PNMA6E: variants seen among roughly 807,000 people sequenced by gnomAD.
PNMA6E encodes paraneoplastic antigen Ma6E.
For synonymous variants in PNMA6E, 43 were observed against 17.1 expected (o/e 2.52, Z -3.74); for missense variants, 78 against 50.8 (o/e 1.53, Z -1.63).
chrX:153,404,315 AG>A (rs2088867299), upstream of PNMA6E, among the ~76,000 whole-genome samples: 1 of 111,162 alleles, frequency 9.0e-6, no homozygotes, highest in South Asian at 3.8e-4. Context: ...GTGAATTACT[AG>A]GGTCATCTCA....
At chrX:153,401,089 C>T (rs944167327) in intron 1 of PNMA6E, among the ~76,000 whole-genome samples, 155 bp downstream of exon 1, 1 of 107,061 alleles carries the variant, frequency 9.3e-6, no homozygotes, top group Non-Finnish European at 1.9e-5. Flanking sequence ...CCGGGCCAGG[C>T]GGGACCGCCG....
chrX:153,399,791 A>G (rs1426247751), intron 1 of PNMA6E, among the ~76,000 whole-genome samples: 6 of 109,900 alleles, frequency 5.5e-5, no homozygotes, highest in African/African-American at 2.0e-4. Context: ...CTCTTTTTCG[A>G]GCTTCTTTAA....
Position 153,397,300 on chromosome X carries a change from G to A in PNMA6E, c.1550C>T (p.Pro517Leu), listed in dbSNP as rs1784266631. The change falls in exon 2 of 2, where the codon CCA becomes CTA. Residue 517 changes from proline (P) to leucine (L), a missense_variant. Physicochemically the swap from Pro to Leu is moderately conservative, Grantham distance 98 (BLOSUM62 -3). Coordinates refer to ENST00000445091, the MANE Select transcript of PNMA6E (RefSeq NM_001367770.1). ...GGCTGGGGAGGCCTGGGCAGCAGCT[G>A]GGTCTTCACTCTCCACTGGGGCCGC... ...WAAAPVESED[P>L]AAAQASPAQG... 1 of 296,462 alleles carries A rather than the reference G, an allele frequency of 3.4e-6. No individual in the cohort carries two copies. The highest frequency in any genetic ancestry group is 2.7e-5 in the African/African-American group (1 of 36,616). The allele number at this position is 296,462 out of a possible 1,213,427, so 24.4% of individuals were successfully genotyped here.
Position 153,395,976 on chromosome X carries a change from C to G in PNMA6E, c.*930G>C, listed in dbSNP as rs2088799622. On this transcript the variant is annotated 3_prime_UTR_variant, in exon 2 of 2. Coordinates refer to ENST00000445091, the MANE Select transcript of PNMA6E (RefSeq NM_001367770.1). ...CTGGGAAACACCAGGGAACACCCCA[C>G]CAGGCTGAAGAAACTGAGTCACAAG... 8.8e-6 allele frequency: 1 copy of G among 113,097 alleles called. No individual in the cohort carries two copies. The highest frequency in any genetic ancestry group is 1.9e-5 in the Non-Finnish European group (1 of 53,297). 9.3% of individuals were successfully genotyped at this position (113,097 alleles called of 1,213,427 possible).
At chrX:153,411,490 C>T in the PNMA6E span, among the ~76,000 whole-genome samples, 1 of 112,053 alleles carries the variant, frequency 8.9e-6, no homozygotes, top group Non-Finnish European at 1.9e-5. Context: ...CCGGCCCGCT[C>T]GTCGGCGCAC....
chrX:153,400,925 C>T (rs908650823), intron 1 of PNMA6E, among the ~76,000 whole-genome samples: 1 of 108,617 alleles, frequency 9.2e-6, no homozygotes, highest in African/African-American at 3.4e-5. Context: ...TTCTACCCCG[C>T]GTGCTTGGCG....
the PNMA6E span, among the ~76,000 whole-genome samples, chrX:153,411,484 C>A: frequency 8.9e-6 from 1 of 112,382 alleles, no homozygotes; most frequent in Non-Finnish European, 1.9e-5. Flanking sequence ...CCGCTCCCGG[C>A]CCGCTCGTCG....
chrX:153,406,719 A>T, the PNMA6E span, among the ~76,000 whole-genome samples: 1 of 112,904 alleles, frequency 8.9e-6, no homozygotes, highest in East Asian at 2.8e-4. Context: ...ACACGAACTC[A>T]TTGCATTCTA....
chrX:153,412,576 C>T, the PNMA6E span, among the ~76,000 whole-genome samples: 4 of 112,286 alleles, frequency 3.6e-5, no homozygotes, highest in African/African-American at 1.3e-4. Flanking sequence ...GAATAAGTCT[C>T]ATTTCTACCA....
At chrX:153,399,453 C>T (rs2088834673) in intron 1 of PNMA6E, among the ~76,000 whole-genome samples, 1 of 111,099 alleles carries the variant, frequency 9.0e-6, no homozygotes, top group Non-Finnish European at 1.9e-5. Flanking sequence ...TCAAGCGATC[C>T]TCCCACCTCA....
upstream of PNMA6E, among the ~76,000 whole-genome samples, chrX:153,405,227 C>T (rs1358963826): frequency 8.9e-6 from 1 of 112,356 alleles, no homozygotes; most frequent in Non-Finnish European, 1.9e-5. Flanking sequence ...AAGGCTCTAA[C>T]CCCCACTTTG....
chrX:153,405,122 G>A (rs139090388), upstream of PNMA6E, among the ~76,000 whole-genome samples: 298 of 112,535 alleles, frequency 2.6e-3, 5 homozygotes, highest in African/African-American at 8.6e-3. Context: ...AAGATGCCCC[G>A]GATGACAGTT....
the PNMA6E span, among the ~76,000 whole-genome samples, chrX:153,412,403 G>A: frequency 1.8e-5 from 2 of 112,579 alleles, no homozygotes; most frequent in African/African-American, 3.2e-5. Context: ...CCAGGGACAC[G>A]GCGGTAGTAA....
At chrX:153,411,579 C>A in the PNMA6E span, among the ~76,000 whole-genome samples, 2 of 112,857 alleles carry the variant, frequency 1.8e-5, no homozygotes, top group Non-Finnish European at 3.8e-5. Flanking sequence ...GGAGCCCCCA[C>A]CCCCCGCCCG....
At position 153,399,149 on chromosome X, in the gene PNMA6E, T is replaced by A. The variant is rs1556970894; in HGVS notation, c.-71-229A>T. Among the ~76,000 whole-genome samples the A allele has an allele frequency of 3.6e-5, 4 of 112,256 alleles. No homozygotes were observed. In the Admixed American group the frequency reaches 3.8e-4, roughly 11 times the overall value. On this transcript the variant is annotated intron_variant, in intron 1 of 1. Transcript: ENST00000445091. ...GCCATTTGTAGTAAGTTACTTTTTT[T>A]CCCCCACAAAGGAATTGGGAAGCTT...
At chrX:153,401,476 G>T (rs1556971359), upstream of PNMA6E, 2 of 111,607 alleles carry the variant, frequency 1.8e-5, no homozygotes, top group African/African-American at 3.3e-5. Context: ...CAAATGATTG[G>T]ATAGGGAGAG....
At position 153,397,858 on chromosome X, in the gene PNMA6E, C is replaced by G. The variant is rs1556970620; in HGVS notation, c.992G>C (p.Gly331Ala). The G allele has an allele frequency of 3.0e-6, 1 of 332,157 alleles. No individual in the cohort carries two copies. Among genetic ancestry groups the G allele is most frequent in the East Asian group, 4.5e-5 (1 of 22,226 alleles). 27.4% of individuals were successfully genotyped at this position (332,157 alleles called of 1,213,427 possible). The change falls in exon 2 of 2, where the codon GGC (glycine) becomes GCC (alanine). Residue 331 changes from glycine to alanine, a missense_variant. Transcript: ENST00000445091. ...LRPFSRREQPGCEEESFESWV... is the reference protein window; with the variant it reads ...LRPFSRREQPACEEESFESWV... ...GCTCTCAAAGGACTCTTCCTCGCAG[C>G]CTGGCTGCTCCCTCCTGGAAAAGGG...
At chrX:153,404,511 T>C (rs782589904), upstream of PNMA6E, among the ~76,000 whole-genome samples, 22 of 110,994 alleles carry the variant, frequency 2.0e-4, no homozygotes, top group East Asian at 4.3e-3. Flanking sequence ...GTGGTGGTGG[T>C]GGTGGCGGTG....
upstream of PNMA6E, among the ~76,000 whole-genome samples, chrX:153,403,483 A>T (rs2088863518): frequency 8.9e-6 from 1 of 112,302 alleles, no homozygotes. Flanking sequence ...ATCTGGGTTT[A>T]TCGGGACATT....
Sources: gnomAD v4.1 joint callset for allele counts (sites outside exome capture counted in the v4.1 genomes callset) on GRCh38, gnomAD v4.1.1 for gene constraint, MANE v1.5 for transcripts, NCBI Gene and HGNC (gene_info 2026-07-23, HGNC 2026-07-21) for gene names.